LCORL: variants seen among roughly 807,000 people sequenced by gnomAD.
The protein encoded by LCORL is ligand-dependent nuclear receptor corepressor-like protein.
Under a neutral mutation model 141.8 loss-of-function variants are expected in LCORL, and 41 were observed. The observed-to-expected ratio is 0.29, with a 90% CI of 0.23 to 0.38. The LOEUF (loss-of-function observed/expected upper bound fraction) is 0.38. Ranked by LOEUF, LCORL falls within the 10% of genes least tolerant of loss-of-function variation. The probability of loss-of-function intolerance (pLI) is 1.00; values close to 1 mark genes in which losing one functional copy is unlikely to be tolerated. For synonymous variants in LCORL, 618 were observed against 694.1 expected (o/e 0.89, Z 1.72); for missense variants, 1,759 against 2,035.0 (o/e 0.86, Z 2.61).
chr4:17,880,249 G>A (rs991967926), intron 6 of LCORL: 1 of 168,432 alleles, frequency 5.9e-6, no homozygotes, highest in African/African-American at 2.4e-5. Context: ...ATGCTTATTT[G>A]GCTTCAAACA....
intron 4 of LCORL, among the ~76,000 whole-genome samples, chr4:17,923,456 G>A (rs1028155399): frequency 3.3e-5 from 5 of 152,182 alleles, no homozygotes; most frequent in African/African-American, 1.2e-4. Flanking sequence ...GACCAGCCTG[G>A]CCAACATGGT....
chr4:18,000,941 G>C (rs1466648438), intron 1 of LCORL, among the ~76,000 whole-genome samples: 1 of 152,166 alleles, frequency 6.6e-6, no homozygotes, highest in East Asian at 1.9e-4. Flanking sequence ...AGTAGCAATG[G>C]AGCAGCAGCT....
chr4:17,984,756 T>G (rs1048494005), intron 1 of LCORL, among the ~76,000 whole-genome samples: 1 of 152,166 alleles, frequency 6.6e-6, no homozygotes, highest in African/African-American at 2.4e-5. Flanking sequence ...TGTCTCAATC[T>G]TCATCAGTTA....
chr4:17,938,158 AC>A (rs2109457882), intron 4 of LCORL, among the ~76,000 whole-genome samples: 1 of 151,744 alleles, frequency 6.6e-6, no homozygotes, highest in South Asian at 2.1e-4. Flanking sequence ...GGCATGTGCC[AC>A]CACGCCTGGC....
chr4:17,884,730 CCTCT>C lies in LCORL; in HGVS notation c.776+1334_776+1337del. The C allele has an allele frequency of 6.7e-7, 1 of 1,484,494 alleles. No individual in the cohort carries two copies. The highest frequency in any genetic ancestry group is 8.9e-7 in the Non-Finnish European group (1 of 1,119,164). The allele number at this position is 1,484,494 out of a possible 1,614,324, so 92.0% of individuals were successfully genotyped here. On this transcript the variant is annotated intron_variant, in intron 6 of 7. Coordinates refer to ENST00000635767, the Ensembl canonical transcript of LCORL. The surrounding 1 kb of genome is among the most constrained non-coding windows in gnomAD (Gnocchi z 4.4). ...AACTCAGCACTTCTTTCCACATAGT[CCTCT>C]CTGTTTCTGTGTAGTCTCCTGGATG... is the stretch of plus-strand genomic sequence containing the variant.
intron 7 of LCORL, among the ~76,000 whole-genome samples, chr4:17,859,681 T>C (rs967934803): frequency 6.6e-6 from 1 of 152,128 alleles, no homozygotes; most frequent in Non-Finnish European, 1.5e-5. Flanking sequence ...TACTATGAGG[T>C]TTATAACATT....
chr4:17,972,353 C>A (rs1468566669), intron 2 of LCORL, among the ~76,000 whole-genome samples: 1 of 151,690 alleles, frequency 6.6e-6, no homozygotes, highest in Admixed American at 6.6e-5. Context: ...CCAATATTCA[C>A]GTGTTTCACT....
intron 1 of LCORL, among the ~76,000 whole-genome samples, chr4:17,976,635 T>C (rs1036814487): frequency 6.6e-6 from 1 of 152,182 alleles, no homozygotes; most frequent in Admixed American, 6.5e-5. Flanking sequence ...ACTCACAATG[T>C]CACTTTTTTG....
intron 4 of LCORL, among the ~76,000 whole-genome samples, chr4:17,923,094 T>C (rs1409532800): frequency 6.6e-6 from 1 of 152,166 alleles, no homozygotes; most frequent in East Asian, 1.9e-4. Flanking sequence ...GTTCAAAGTG[T>C]GATCCATGAT....
intron 1 of LCORL, among the ~76,000 whole-genome samples, chr4:18,015,659 A>G (rs1231902701): frequency 6.6e-6 from 1 of 151,996 alleles, no homozygotes; most frequent in Non-Finnish European, 1.5e-5. Context: ...CATCCATACC[A>G]GTCCCATCAA....
intron 4 of LCORL, among the ~76,000 whole-genome samples, chr4:17,948,678 G>A (rs1047952689): frequency 6.6e-6 from 1 of 152,002 alleles, no homozygotes; most frequent in South Asian, 2.1e-4. Context: ...TTAAAAGGAG[G>A]CTGAGAATTG....
chr4:17,969,010 T>C (rs1282339277), intron 2 of LCORL, among the ~76,000 whole-genome samples: 1 of 152,208 alleles, frequency 6.6e-6, no homozygotes, highest in Admixed American at 6.5e-5. Flanking sequence ...ATACAATCTA[T>C]TCATATTTTT....
intron 6 of LCORL, chr4:17,883,397 C>T (rs555962368): frequency 1.0e-5 from 11 of 1,063,998 alleles, no homozygotes; most frequent in East Asian, 1.3e-4. Context: ...GACAATTACT[C>T]GTTTTCCCAC....
intron 4 of LCORL, among the ~76,000 whole-genome samples, chr4:17,947,977 A>G (rs1739147520): frequency 6.6e-6 from 1 of 152,020 alleles, no homozygotes; most frequent in Non-Finnish European, 1.5e-5. Flanking sequence ...AAGATGATTT[A>G]GAGTTTATCA....
exon 7 of LCORL, chr4:17,875,813 T>G (rs1177332329): frequency 8.1e-7 from 1 of 1,231,206 alleles, no homozygotes; most frequent in Non-Finnish European, 1.0e-6. Context: ...TAGGTTCTTC[T>G]TGTGGCTTAT....
chr4:17,922,620 G>A (rs542459239), intron 4 of LCORL, among the ~76,000 whole-genome samples: 4 of 152,246 alleles, frequency 2.6e-5, no homozygotes, highest in African/African-American at 9.6e-5. Context: ...TGTCAAGAAA[G>A]AGCTGAAATT....
intron 4 of LCORL, among the ~76,000 whole-genome samples, chr4:17,958,097 G>T (rs1713040586): frequency 6.6e-6 from 1 of 151,752 alleles, no homozygotes; most frequent in Non-Finnish European, 1.5e-5. Flanking sequence ...AAAGGAAAAG[G>T]GTCAGTGTTC....
chr4:17,882,953 T>A (rs981051902), intron 6 of LCORL: 1 of 913,938 alleles, frequency 1.1e-6, no homozygotes, highest in African/African-American at 1.8e-5. Context: ...ATAATTAAAT[T>A]TAAATTATTT....
exon 7 of LCORL, chr4:17,877,652 T>C (rs1015747485): frequency 1.6e-6 from 2 of 1,230,558 alleles, no homozygotes; most frequent in Non-Finnish European, 2.0e-6. Context: ...CTTCAGTTTC[T>C]ATAGGTGATA....
Sources: allele counts gnomAD v4.1 joint callset (sites outside exome capture counted in the v4.1 genomes callset), GRCh38; gene constraint gnomAD v4.1.1; non-coding constraint Gnocchi (gnomAD v3.1); transcripts MANE v1.5; gene names NCBI Gene and HGNC (gene_info 2026-07-23, HGNC 2026-07-21).